Variants in GRK5 observed in about 807,000 individuals in gnomAD.
The protein encoded by GRK5 is g protein-coupled receptor kinase GRK5.
Under a neutral mutation model 78.4 loss-of-function variants are expected in GRK5, and 40 were observed. The ratio of observed to expected loss-of-function variants is 0.51; its 90% CI spans 0.40 to 0.66. GRK5 has a LOEUF of 0.66. Among genes scored for constraint, GRK5 ranks in the 30% least tolerant of loss-of-function variants. GRK5 has a pLI of 0.00. For missense variants in GRK5, 598 were observed against 759.9 expected (o/e 0.79, Z 2.50); for synonymous variants, 289 against 296.8 (o/e 0.97, Z 0.27).
chr10:119,313,259 G>C (rs1189484222), intron 1 of GRK5, among the ~76,000 whole-genome samples: 1 of 150,474 alleles, frequency 6.6e-6, no homozygotes, highest in African/African-American at 2.4e-5. Flanking sequence ...TGGTGGTGAT[G>C]GTGGTGGTAA....
chr10:119,370,970 C>A (rs1160178038), intron 2 of GRK5, among the ~76,000 whole-genome samples: 2 of 140,052 alleles, frequency 1.4e-5, no homozygotes, highest in Admixed American at 1.4e-4. Context: ...CTCCTTCCAC[C>A]CCCCCGCCCC....
chr10:119,374,857 T>C (rs533161376), intron 2 of GRK5, among the ~76,000 whole-genome samples: 14 of 152,238 alleles, frequency 9.2e-5, no homozygotes, highest in African/African-American at 3.1e-4. Context: ...CCATGTGACA[T>C]GCCTGCTCCT....
intron 1 of GRK5, among the ~76,000 whole-genome samples, chr10:119,221,056 T>A (rs1368422051): frequency 1.3e-5 from 2 of 150,834 alleles, no homozygotes; most frequent in Non-Finnish European, 2.9e-5. Context: ...CTCGGGAGGC[T>A]GAAGGGAGAG....
At chr10:119,450,376 C>T (rs947763751) in intron 13 of GRK5, among the ~76,000 whole-genome samples, 2 of 152,222 alleles carry the variant, frequency 1.3e-5, no homozygotes, top group African/African-American at 4.8e-5. Flanking sequence ...TCCCATGGCA[C>T]ACAAAACAGT....
chr10:119,400,704 C>T (rs1411437997), intron 4 of GRK5, among the ~76,000 whole-genome samples: 1 of 152,106 alleles, frequency 6.6e-6, no homozygotes, highest in Non-Finnish European at 1.5e-5. Context: ...GCTTCGAGTG[C>T]CACTTGTATT....
chr10:119,237,289 C>T (rs1848950732), intron 1 of GRK5, among the ~76,000 whole-genome samples: 1 of 152,192 alleles, frequency 6.6e-6, no homozygotes, highest in South Asian at 2.1e-4. Context: ...TCTCGAACTC[C>T]TGCACTCAAG....
At chr10:119,243,730 C>T (rs75565505) in intron 1 of GRK5, among the ~76,000 whole-genome samples, 1 of 152,218 alleles carries the variant, frequency 6.6e-6, no homozygotes, top group East Asian at 1.9e-4. Context: ...GGAAAGGACT[C>T]TCTTGGGAAG....
At chr10:119,389,234 T>G (rs1379817831) in intron 3 of GRK5, among the ~76,000 whole-genome samples, 1 of 152,238 alleles carries the variant, frequency 6.6e-6, no homozygotes, top group Non-Finnish European at 1.5e-5. Context: ...TAGTGGGCTA[T>G]CACCTGGCTT....
chr10:119,230,753 T>A (rs1414389), intron 1 of GRK5, among the ~76,000 whole-genome samples: 1 of 149,978 alleles, frequency 6.7e-6, no homozygotes. Flanking sequence ...AGCGGATCAC[T>A]TGAGCCCAGG....
chr10:119,252,758 A>C (rs940433394), intron 1 of GRK5, among the ~76,000 whole-genome samples: 1 of 152,124 alleles, frequency 6.6e-6, no homozygotes, highest in African/African-American at 2.4e-5. Flanking sequence ...GTGTCTGTGA[A>C]GGGCTTGGGG....
intron 1 of GRK5, among the ~76,000 whole-genome samples, chr10:119,278,543 G>A (rs998804734): frequency 1.3e-5 from 2 of 152,064 alleles, no homozygotes; most frequent in Non-Finnish European, 2.9e-5. Context: ...CTGCTAGTTG[G>A]ACTTGGGCCC....
intron 1 of GRK5, among the ~76,000 whole-genome samples, chr10:119,311,815 T>A (rs1850363944): frequency 6.6e-6 from 1 of 151,990 alleles, no homozygotes; most frequent in Non-Finnish European, 1.5e-5. Flanking sequence ...AGTAGAGGAT[T>A]TTCCTTCCTA....
intron 3 of GRK5, among the ~76,000 whole-genome samples, chr10:119,390,310 A>C (rs1372334921): frequency 2.6e-5 from 4 of 152,222 alleles, no homozygotes; most frequent in Non-Finnish European, 5.9e-5. Context: ...GATGCCTCAC[A>C]GTCATGATGG....
chr10:119,398,001 ATTTATG>A (rs2133855757), intron 4 of GRK5, among the ~76,000 whole-genome samples: 1 of 152,350 alleles, frequency 6.6e-6, no homozygotes, highest in African/African-American at 2.4e-5. Context: ...AAATGACAGA[ATTTATG>A]TTTATAAAAC....
chr10:119,258,290 T>C (rs1481798071), intron 1 of GRK5, among the ~76,000 whole-genome samples: 1 of 152,232 alleles, frequency 6.6e-6, no homozygotes, highest in East Asian at 1.9e-4. Flanking sequence ...AGTTTCCCTT[T>C]ATTTCTGAGC....
At chr10:119,227,908 A>G (rs1452535820) in intron 1 of GRK5, among the ~76,000 whole-genome samples, 2 of 152,196 alleles carry the variant, frequency 1.3e-5, no homozygotes, top group Admixed American at 1.3e-4. Context: ...TATAGACATC[A>G]AAAGCCTTAA....
intron 1 of GRK5, among the ~76,000 whole-genome samples, chr10:119,218,899 CTTT>C (rs59377653): frequency 1.4e-5 from 2 of 142,232 alleles, no homozygotes. Flanking sequence ...AAATCTGAAA[CTTT>C]TTTTTTTTTT....
intron 1 of GRK5, among the ~76,000 whole-genome samples, chr10:119,305,838 T>C (rs905927256): frequency 1.3e-5 from 2 of 151,664 alleles, no homozygotes; most frequent in African/African-American, 4.9e-5. Flanking sequence ...TTCTGTAAGC[T>C]TGAAATGTTT....
chr10:119,409,422 G>A (rs76933531), intron 4 of GRK5, among the ~76,000 whole-genome samples: 11,682 of 152,248 alleles, frequency 0.077, 820 homozygotes, highest in African/African-American at 0.17. Context: ...GAAAATTGGA[G>A]GTTCCTTTGA....
Sources: allele counts gnomAD v4.1 joint callset (sites outside exome capture counted in the v4.1 genomes callset), GRCh38; gene constraint gnomAD v4.1.1; transcripts MANE v1.5; gene names NCBI Gene and HGNC (gene_info 2026-07-23, HGNC 2026-07-21).